The following IL1RAPL1 variants were observed in gnomAD, a reference collection of about 807,000 sequenced individuals.
IL1RAPL1 encodes the protein interleukin-1 receptor accessory protein-like 1.
IL1RAPL1 carries 3 observed loss-of-function variants against 48.4 expected under a neutral mutation model. The ratio of observed to expected loss-of-function variants is 0.06; its 90% CI spans 0.03 to 0.16. IL1RAPL1 has a LOEUF of 0.16. Among genes scored for constraint, IL1RAPL1 ranks in the 10% least tolerant of loss-of-function variants. The pLI is 1.00. For synonymous variants in IL1RAPL1, 185 were observed against 187.7 expected, an observed-to-expected ratio of 0.99 and a Z score of 0.12; for missense variants, 349 against 530.6, an observed-to-expected ratio of 0.66 and a Z score of 3.36.
intron 2 of IL1RAPL1, among the ~76,000 whole-genome samples, chrX:29,144,461 G>T (rs947765540): frequency 4.1e-4 from 44 of 106,342 alleles, no homozygotes; most frequent in Non-Finnish European, 7.1e-4. Context: ...TAATTAGCTG[G>T]GTGTGATGGT....
At chrX:28,768,753 C>CTATATATATATATA (rs1190280943) in intron 1 of IL1RAPL1, among the ~76,000 whole-genome samples, 3 of 53,574 alleles carry the variant, frequency 5.6e-5, no homozygotes, top group African/African-American at 1.7e-4. Flanking sequence ...CTCTCTCTCT[C>CTATATATATATATA]TCTATATATA....
At chrX:29,913,738 G>A (rs1331206480) in intron 6 of IL1RAPL1, among the ~76,000 whole-genome samples, 2 of 110,702 alleles carry the variant, frequency 1.8e-5, no homozygotes, top group Non-Finnish European at 3.8e-5. Flanking sequence ...TTAGAATAGA[G>A]ATGTGATTGC....
At chrX:29,523,100 G>A (rs867662194) in intron 5 of IL1RAPL1, among the ~76,000 whole-genome samples, 1 of 111,152 alleles carries the variant, frequency 9.0e-6, no homozygotes, top group Admixed American at 9.6e-5. Flanking sequence ...TCCTACTTTT[G>A]TCTTAAGATA....
intron 2 of IL1RAPL1, among the ~76,000 whole-genome samples, chrX:29,222,913 T>C (rs967102031): frequency 7.2e-5 from 8 of 111,581 alleles, no homozygotes; most frequent in African/African-American, 2.6e-4. Context: ...TCTCCTATGG[T>C]TTCTGGTCAC....
intron 2 of IL1RAPL1, among the ~76,000 whole-genome samples, chrX:28,811,095 C>T (rs1325663103): frequency 9.0e-6 from 1 of 110,551 alleles, no homozygotes; most frequent in East Asian, 2.8e-4. Flanking sequence ...TAAATACTAT[C>T]CAATTAAGTG....
chrX:29,008,839 A>T (rs1273994000), intron 2 of IL1RAPL1, among the ~76,000 whole-genome samples: 1 of 110,609 alleles, frequency 9.0e-6, no homozygotes, highest in Non-Finnish European at 1.9e-5. Flanking sequence ...CCCCCACAAT[A>T]GTCCCCAGTT....
chrX:29,644,637 G>C (rs1925270236), intron 5 of IL1RAPL1, among the ~76,000 whole-genome samples: 1 of 110,804 alleles, frequency 9.0e-6, no homozygotes, highest in South Asian at 3.9e-4. Flanking sequence ...CATGATCTCG[G>C]TTCACTGCAA....
chrX:29,249,681 TC>T (rs1202533888), intron 2 of IL1RAPL1, among the ~76,000 whole-genome samples: 4 of 111,976 alleles, frequency 3.6e-5, no homozygotes, highest in African/African-American at 1.3e-4. Context: ...AATATGTATT[TC>T]TTATAGCAGT....
intron 6 of IL1RAPL1, among the ~76,000 whole-genome samples, chrX:29,806,028 A>G (rs1412806577): frequency 9.1e-6 from 1 of 109,487 alleles, no homozygotes; most frequent in Non-Finnish European, 1.9e-5. Context: ...AGAGAAATAG[A>G]GAATGAGAAT....
At chrX:29,665,307 A>G (rs1325429224) in intron 5 of IL1RAPL1, among the ~76,000 whole-genome samples, 1 of 112,755 alleles carries the variant, frequency 8.9e-6, no homozygotes, top group East Asian at 2.8e-4. Flanking sequence ...ATAAAAAGCC[A>G]GTTGGCTTAG....
chrX:29,708,193 AAG>A (rs1202760303), intron 6 of IL1RAPL1, among the ~76,000 whole-genome samples: 1 of 111,078 alleles, frequency 9.0e-6, no homozygotes, highest in Non-Finnish European at 1.9e-5. Context: ...ACATTGTACA[AAG>A]AGTCACTCAA....
chrX:29,155,664 T>C (rs1424793574), intron 2 of IL1RAPL1, among the ~76,000 whole-genome samples: 1 of 112,018 alleles, frequency 8.9e-6, no homozygotes, highest in Non-Finnish European at 1.9e-5. Flanking sequence ...CACTGGTCTT[T>C]CCTTTAAATA....
chrX:29,628,598 T>C (rs1056273214), intron 5 of IL1RAPL1, among the ~76,000 whole-genome samples: 3 of 111,873 alleles, frequency 2.7e-5, no homozygotes, highest in Non-Finnish European at 5.6e-5. Flanking sequence ...TATGTATTTA[T>C]AGGCATGATA....
At chrX:28,830,989 G>T (rs1346176880) in intron 2 of IL1RAPL1, among the ~76,000 whole-genome samples, 3 of 22,387 alleles carry the variant, frequency 1.3e-4, no homozygotes, top group African/African-American at 1.9e-4. Flanking sequence ...CTTTGCCCAG[G>T]GTTTCTCTCT....
chrX:29,614,003 TC>T (rs1924192681), intron 5 of IL1RAPL1, among the ~76,000 whole-genome samples: 1 of 109,806 alleles, frequency 9.1e-6, no homozygotes, highest in Non-Finnish European at 1.9e-5. Context: ...GACCTCGTGA[TC>T]TGCCCACCTC....
chrX:29,704,687 A>G (rs891915000), intron 6 of IL1RAPL1, among the ~76,000 whole-genome samples: 2 of 111,600 alleles, frequency 1.8e-5, no homozygotes, highest in African/African-American at 6.5e-5. Context: ...AAGAAAAAAA[A>G]GAAATAGAAA....
intron 5 of IL1RAPL1, among the ~76,000 whole-genome samples, chrX:29,633,353 T>G (rs1416736379): frequency 9.1e-6 from 1 of 109,607 alleles, no homozygotes; most frequent in African/African-American, 3.3e-5. Context: ...TGAGAAGAGG[T>G]GGAATGGAAA....
chrX:28,895,215 C>G (rs1922881498), intron 2 of IL1RAPL1, among the ~76,000 whole-genome samples: 1 of 110,701 alleles, frequency 9.0e-6, no homozygotes, highest in African/African-American at 3.3e-5. Flanking sequence ...AGGCGCAGAT[C>G]TTGAACTAAC....
intron 2 of IL1RAPL1, among the ~76,000 whole-genome samples, chrX:28,920,931 G>C (rs1299649129): frequency 4.5e-5 from 5 of 111,678 alleles, no homozygotes; most frequent in African/African-American, 9.7e-5. Flanking sequence ...ACCCAGCCCA[G>C]TAATACATTT....
Sources: gnomAD v4.1 joint callset for allele counts (sites outside exome capture counted in the v4.1 genomes callset) on GRCh38, gnomAD v4.1.1 for gene constraint, MANE v1.5 for transcripts, NCBI Gene and HGNC (gene_info 2026-07-23, HGNC 2026-07-21) for gene names.